CAMK2D: variants seen among roughly 807,000 people sequenced by gnomAD.
The protein encoded by CAMK2D is calcium/calmodulin dependent protein kinase II delta.
Under a neutral mutation model 84.0 loss-of-function variants are expected in CAMK2D, and 37 were observed. The ratio of observed to expected loss-of-function variants is 0.44; its 90% CI spans 0.34 to 0.58. The LOEUF (loss-of-function observed/expected upper bound fraction) is 0.58, where lower values mean the gene tolerates loss of function less well. CAMK2D is among the 20% of genes least tolerant of loss of function. The probability of loss-of-function intolerance (pLI) is 0.02; values close to 1 mark genes in which losing one functional copy is unlikely to be tolerated. For missense variants in CAMK2D, 448 were observed against 652.5 expected (o/e 0.69, Z 3.41); for synonymous variants, 202 against 212.5 (o/e 0.95, Z 0.43).
intron 5 of CAMK2D, among the ~76,000 whole-genome samples, chr4:113,550,645 G>C (rs2098620082): frequency 6.6e-6 from 1 of 152,130 alleles, no homozygotes; most frequent in African/African-American, 2.4e-5. Flanking sequence ...ACTTTGAAGG[G>C]TAACATTAAT....
intron 16 of CAMK2D, among the ~76,000 whole-genome samples, chr4:113,489,115 G>A (rs1052586878): frequency 6.6e-6 from 1 of 151,964 alleles, no homozygotes; most frequent in African/African-American, 2.4e-5. Flanking sequence ...AAAATCAGCA[G>A]GTAGTATATG....
chr4:113,487,862 TAA>T (rs1187297594), intron 16 of CAMK2D, among the ~76,000 whole-genome samples: 1 of 152,008 alleles, frequency 6.6e-6, no homozygotes, highest in African/African-American at 2.4e-5. Context: ...TCATTTTATA[TAA>T]AGAGATCTTA....
At chr4:113,744,991 C>T (rs1469426108) in intron 2 of CAMK2D, among the ~76,000 whole-genome samples, 1 of 152,146 alleles carries the variant, frequency 6.6e-6, no homozygotes, top group Non-Finnish European at 1.5e-5. Context: ...ACTAATTCTC[C>T]CCATGACTCA....
At chr4:113,590,687 T>A (rs1158902858) in intron 4 of CAMK2D, among the ~76,000 whole-genome samples, 1 of 152,180 alleles carries the variant, frequency 6.6e-6, no homozygotes, top group Non-Finnish European at 1.5e-5. Context: ...TCAAAACTTA[T>A]AAACTTCAAA....
At chr4:113,710,327 T>C (rs1034347210) in intron 2 of CAMK2D, among the ~76,000 whole-genome samples, 3 of 152,110 alleles carry the variant, frequency 2.0e-5, no homozygotes, top group African/African-American at 7.2e-5. Flanking sequence ...ATTTAAGATA[T>C]GCAAACTGTT....
intron 4 of CAMK2D, among the ~76,000 whole-genome samples, chr4:113,555,310 C>A (rs1237745323): frequency 1.3e-5 from 2 of 152,090 alleles, no homozygotes; most frequent in African/African-American, 4.8e-5. Context: ...TGGGGGAAAG[C>A]CAGGAACTTC....
At chr4:113,653,534 T>A (rs1051657790) in intron 3 of CAMK2D, among the ~76,000 whole-genome samples, 16 of 151,908 alleles carry the variant, frequency 1.1e-4, no homozygotes, top group Admixed American at 9.8e-4. Flanking sequence ...AAGGGAGAGG[T>A]CACAGAAAAA....
At chr4:113,708,239 T>A (rs1316560125) in intron 2 of CAMK2D, among the ~76,000 whole-genome samples, 2 of 152,182 alleles carry the variant, frequency 1.3e-5, no homozygotes, top group Non-Finnish European at 2.9e-5. Flanking sequence ...GTGTTACTAG[T>A]CATCATGGCT....
chr4:113,602,061 T>C (rs2098955602), intron 4 of CAMK2D, among the ~76,000 whole-genome samples: 1 of 152,144 alleles, frequency 6.6e-6, no homozygotes, highest in Non-Finnish European at 1.5e-5. Context: ...TTCTATAAAG[T>C]ATTTTCAAAG....
At chr4:113,511,833 A>AT (rs1319803557) in intron 12 of CAMK2D, among the ~76,000 whole-genome samples, 2 of 152,148 alleles carry the variant, frequency 1.3e-5, no homozygotes, top group Non-Finnish European at 2.9e-5. Context: ...TGTTGTTGCT[A>AT]TTTTTTAACA....
At chr4:113,712,183 A>G (rs1404336279) in intron 2 of CAMK2D, among the ~76,000 whole-genome samples, 2 of 152,176 alleles carry the variant, frequency 1.3e-5, no homozygotes. Flanking sequence ...TGTATCACCT[A>G]TTGATGCAGC....
At chr4:113,498,677 C>A (rs2097979928) in intron 16 of CAMK2D, among the ~76,000 whole-genome samples, 1 of 152,116 alleles carries the variant, frequency 6.6e-6, no homozygotes, top group Non-Finnish European at 1.5e-5. Context: ...ATCCCAGAGG[C>A]AAGATGAAAC....
At chr4:113,670,606 T>C (rs1365780439) in intron 2 of CAMK2D, among the ~76,000 whole-genome samples, 1 of 152,038 alleles carries the variant, frequency 6.6e-6, no homozygotes, top group African/African-American at 2.4e-5. Flanking sequence ...TGTGAGAAAT[T>C]TGCTGCACAA....
At chr4:113,558,362 T>A (rs1264655339) in intron 4 of CAMK2D, among the ~76,000 whole-genome samples, 1 of 152,150 alleles carries the variant, frequency 6.6e-6, no homozygotes, top group Non-Finnish European at 1.5e-5. Context: ...TAATTTGCTA[T>A]CAATAATTTT....
intron 5 of CAMK2D, chr4:113,548,719 G>A: frequency 6.4e-7 from 1 of 1,570,530 alleles, no homozygotes; most frequent in Non-Finnish European, 8.8e-7. Flanking sequence ...AGAATCTGCT[G>A]TATACAATGA....
chr4:113,554,480 T>C (rs2098650848), intron 4 of CAMK2D, among the ~76,000 whole-genome samples: 1 of 152,154 alleles, frequency 6.6e-6, no homozygotes, highest in Admixed American at 6.6e-5. Context: ...TAGAGTTTCA[T>C]GTTGAGTTTT....
intron 16 of CAMK2D, among the ~76,000 whole-genome samples, chr4:113,467,852 T>C (rs976658396): frequency 4.6e-5 from 7 of 152,056 alleles, no homozygotes; most frequent in Non-Finnish European, 7.4e-5. Context: ...TTCTGGAATA[T>C]AAGGGATACG....
intron 4 of CAMK2D, among the ~76,000 whole-genome samples, chr4:113,606,339 G>A (rs1442514364): frequency 4.0e-5 from 6 of 151,678 alleles, no homozygotes; most frequent in Admixed American, 6.6e-5. Flanking sequence ...GCATGGTGGC[G>A]CGCGCCTGTA....
intron 8 of CAMK2D, among the ~76,000 whole-genome samples, chr4:113,519,192 G>A (rs552089000): frequency 6.6e-6 from 1 of 152,272 alleles, no homozygotes; most frequent in East Asian, 1.9e-4. Context: ...AATAGTGATA[G>A]TTTCCATTGA....
Sources: allele counts gnomAD v4.1 joint callset (sites outside exome capture counted in the v4.1 genomes callset), GRCh38; gene constraint gnomAD v4.1.1; transcripts MANE v1.5; gene names NCBI Gene and HGNC (gene_info 2026-07-23, HGNC 2026-07-21).